Variants in UBA6 observed in about 807,000 individuals in gnomAD.
UBA6 encodes the protein ubiquitin-like modifier-activating enzyme 6.
Under a neutral mutation model 148.3 loss-of-function variants are expected in UBA6, and 87 were observed. That is an observed-to-expected ratio of 0.59 (90% CI 0.49 to 0.70). The LOEUF is 0.70. Among genes scored for constraint, UBA6 ranks in the 30% least tolerant of loss-of-function variants. The pLI, the probability that UBA6 is intolerant of heterozygous loss-of-function variation, is 0.00. For missense variants in UBA6, 1,186 were observed against 1,241.2 expected (o/e 0.96, Z 0.67); for synonymous variants, 376 against 401.0 (o/e 0.94, Z 0.75).
chr4:67,654,472 C>T (rs1037560660), intron 13 of UBA6, among the ~76,000 whole-genome samples: 1 of 152,266 alleles, frequency 6.6e-6, no homozygotes, highest in South Asian at 2.1e-4. Flanking sequence ...AAATCCTTTA[C>T]AGACAAGCAA....
intron 14 of UBA6, 70 bp downstream of exon 14, chr4:67,648,997 TA>T: frequency 6.8e-7 from 1 of 1,479,226 alleles, no homozygotes. Context: ...AATATATTAA[TA>T]CTACATTATA....
chr4:67,640,074 A>T (rs1729266840), intron 18 of UBA6, among the ~76,000 whole-genome samples: 1 of 152,346 alleles, frequency 6.6e-6, no homozygotes, highest in East Asian at 1.9e-4. Context: ...TTGCTTTGGC[A>T]TTAAATATCT....
intron 2 of UBA6, among the ~76,000 whole-genome samples, chr4:67,695,819 C>G (rs145958880): frequency 2.0e-5 from 3 of 152,128 alleles, no homozygotes; most frequent in Non-Finnish European, 4.4e-5. Context: ...GAGTACAAAA[C>G]AGGATTTGGA....
In UBA6 at chr4:67,682,158, C is replaced by T. The variant is rs111621741; in HGVS notation, c.190G>A (p.Val64Ile). The change falls in exon 3 of 33, where the codon GTT (valine) becomes ATT (isoleucine). Residue 64 changes from valine to isoleucine, a missense_variant. Coordinates refer to ENST00000322244, the MANE Select transcript of UBA6 (RefSeq NM_018227.6). Reference protein sequence around the residue: ...TAMQKMAKSHVFLSGMGGLGL... With the variant: ...TAMQKMAKSHIFLSGMGGLGL... ...AGACCACCCATCCCACTTAAGAAAA[C>T]ATGGGACTTGGCCATCTTCTGCATT... The T allele has an allele frequency of 4.8e-4, 780 of 1,613,878 alleles. 1 individual carries two copies. The African/African-American group carries it at 9.0e-3, about 19-fold the overall frequency.
chr4:67,621,042 T>C (rs1728738158), intron 32 of UBA6, among the ~76,000 whole-genome samples: 1 of 152,204 alleles, frequency 6.6e-6, no homozygotes, highest in Admixed American at 6.5e-5. Context: ...TTTCAAATAT[T>C]GGCCAAATCT....
intron 17 of UBA6, 88 bp from the exon 18 acceptor site, chr4:67,641,316 C>T: frequency 1.3e-6 from 1 of 778,896 alleles, no homozygotes; most frequent in Admixed American, 2.6e-5. Flanking sequence ...AAAGTCCTGA[C>T]AAATTATTCT....
At chr4:67,689,290 G>T (rs889498255) in intron 2 of UBA6, among the ~76,000 whole-genome samples, 1 of 152,004 alleles carries the variant, frequency 6.6e-6, no homozygotes, top group Non-Finnish European at 1.5e-5. Flanking sequence ...TCAACTTATG[G>T]GTTTATCAGG....
intron 9 of UBA6, among the ~76,000 whole-genome samples, chr4:67,668,170 C>T (rs1280765703): frequency 6.6e-6 from 1 of 152,174 alleles, no homozygotes; most frequent in Non-Finnish European, 1.5e-5. Flanking sequence ...TTCTCCCTGC[C>T]AGCCCTGCTG....
intron 11 of UBA6, chr4:67,663,684 A>AT: frequency 2.0e-6 from 1 of 511,274 alleles, no homozygotes; most frequent in African/African-American, 1.9e-5. Context: ...TTACTTTATC[A>AT]TTTTTTTCTA....
Position 67,663,890 on chromosome 4 carries a change from G to C in UBA6, c.955C>G (p.Pro319Ala). 6.2e-7 allele frequency: 1 copy of C among 1,612,970 alleles called. No individual in the cohort carries two copies. The highest frequency in any genetic ancestry group is 1.1e-5 in the South Asian group (1 of 91,012). ...PKCLIVDFSN[P>A]EAPLEIHTAM... Reference sequence around the variant, plus strand: ...CCTGCAAAGTGTTTATTTACCTCAGGGTTGCTAAAATCCACAATAAGGCAC... The same window carrying C: ...CCTGCAAAGTGTTTATTTACCTCAGCGTTGCTAAAATCCACAATAAGGCAC... The change falls in exon 11 of 33, where the codon CCT becomes GCT. Residue 319 changes from proline (P) to alanine (A), a missense_variant. Transcript: ENST00000322244.
At chr4:67,634,901 G>C (rs1220090651) in intron 20 of UBA6, among the ~76,000 whole-genome samples, 1 of 152,050 alleles carries the variant, frequency 6.6e-6, no homozygotes, top group Admixed American at 6.5e-5. Context: ...GCTCAGAAAA[G>C]CATGAGTTTT....
chr4:67,645,832 C>G (rs1300926620), intron 16 of UBA6, 106 bp downstream of exon 16: 1 of 492,880 alleles, frequency 2.0e-6, no homozygotes, highest in African/African-American at 2.0e-5. Flanking sequence ...GTTATTACAA[C>G]TACTCACCTG....
chr4:67,655,090 T>C (rs1330014747), intron 13 of UBA6, among the ~76,000 whole-genome samples: 1 of 152,114 alleles, frequency 6.6e-6, no homozygotes, highest in Non-Finnish European at 1.5e-5. Context: ...ACAATAATAA[T>C]GGGAGACTTT....
Position 67,623,184 on chromosome 4 carries a change from A to G in UBA6, c.2879T>C (p.Val960Ala), listed in dbSNP as rs1728789789. The G allele has an allele frequency of 2.5e-6, 4 of 1,613,056 alleles. No homozygotes were observed. In the East Asian group the frequency reaches 8.9e-5, roughly 36 times the overall value. ...ISFTIWDRWTVHGKEDFTLLD... is the reference protein window; with the variant it reads ...ISFTIWDRWTAHGKEDFTLLD... ...GAGGGTGAAATCTTCTTTTCCATGT[A>G]CGGTCCATCGATCCCAAATTGTAAA... The change falls in exon 31 of 33, where the codon GTA becomes GCA. Residue 960 changes from valine to alanine, a missense_variant. Val to Ala is a moderately conservative substitution (Grantham distance 64). Coordinates refer to ENST00000322244, the MANE Select transcript of UBA6 (RefSeq NM_018227.6).
intron 13 of UBA6, among the ~76,000 whole-genome samples, chr4:67,656,340 C>T (rs1336673247): frequency 6.6e-6 from 1 of 152,174 alleles, no homozygotes; most frequent in Non-Finnish European, 1.5e-5. Context: ...ACATGATCAA[C>T]TCGGCTTCAG....
At position 67,701,047 on chromosome 4, in the gene UBA6, A is replaced by G. The variant is rs754830430; in HGVS notation, c.71+2T>C. The G allele has an allele frequency of 1.2e-6, 2 of 1,613,028 alleles. No individual in the cohort carries two copies. ...TCACCTTCGCCCTTCTCGTCCTCTC[A>G]CCTGCCAGTCCCCCAGGAAGAACAG... On this transcript the variant is annotated splice_donor_variant, in intron 1 of 32. Transcript: ENST00000322244. LOFTEE classifies it high-confidence loss of function.
intron 13 of UBA6, among the ~76,000 whole-genome samples, chr4:67,650,864 AG>A (rs890768244): frequency 2.5e-4 from 38 of 152,256 alleles, no homozygotes; most frequent in African/African-American, 7.7e-4. Flanking sequence ...TAAACAAAAG[AG>A]GGGAGACATT....
In UBA6 at chr4:67,633,332, A is replaced by G. The variant is rs769462214; in HGVS notation, c.2142+13T>C. The G allele has an allele frequency of 2.5e-6, 4 of 1,574,492 alleles. No individual in the cohort carries two copies. Among genetic ancestry groups the G allele is most frequent in the Admixed American group, 3.9e-5 (2 of 51,684 alleles). ...ATCAGACCTTTTCTTAATGTCTCAC[A>G]ATGCATACTTACCTTATGGTTAAAA... On this transcript the variant is annotated intron_variant, in intron 23 of 32. Transcript: ENST00000322244.
intron 17 of UBA6, among the ~76,000 whole-genome samples, chr4:67,643,196 G>C (rs1189403468): frequency 6.6e-6 from 1 of 151,572 alleles, no homozygotes; most frequent in African/African-American, 2.4e-5. Flanking sequence ...AAAACTTAAA[G>C]TATAATAATA....
Sources: allele counts gnomAD v4.1 joint callset (sites outside exome capture counted in the v4.1 genomes callset), GRCh38; gene constraint gnomAD v4.1.1; transcripts MANE v1.5; gene names NCBI Gene and HGNC (gene_info 2026-07-23, HGNC 2026-07-21).